ALDOA: variants seen among roughly 807,000 people sequenced by gnomAD.
ALDOA encodes aldolase, fructose-bisphosphate A, also known as fructose-bisphosphate aldolase A.
In ALDOA, 26 loss-of-function variants were observed where a neutral mutation model predicts 43.9. The ratio of observed to expected loss-of-function variants is 0.59; its 90% CI spans 0.43 to 0.82. ALDOA has a LOEUF of 0.82. Among genes scored for constraint, ALDOA ranks in the 40% least tolerant of loss-of-function variants. The pLI is 0.00. For synonymous variants in ALDOA, 258 were observed against 222.6 expected, an observed-to-expected ratio of 1.16 and a Z score of -1.42; for missense variants, 498 against 549.5, an observed-to-expected ratio of 0.91 and a Z score of 0.94.
At position 30,070,366 on chromosome 16, in the gene ALDOA, C is replaced by A. The variant is rs1045017740; in HGVS notation, c.*154C>A. 2 of 701,726 alleles carry A rather than the reference C, an allele frequency of 2.9e-6. No individual in the cohort carries two copies. The highest frequency in any genetic ancestry group is 5.1e-4 in the Middle Eastern group (2 of 3,932). 43.5% of individuals were successfully genotyped at this position (701,726 alleles called of 1,614,324 possible). On this transcript the variant is annotated 3_prime_UTR_variant, in exon 10 of 10. Coordinates refer to ENST00000642816, the MANE Select transcript of ALDOA (RefSeq NM_001243177.4). ...GTGGTGTCGTCTGTGAATGCTAAGTCCATCACCCTTTCCGGCACACTGCCA... is the reference window on the plus strand; with the variant it reads ...GTGGTGTCGTCTGTGAATGCTAAGTACATCACCCTTTCCGGCACACTGCCA...
chr16:30,067,088 G>A (rs1298243360), intron 2 of ALDOA, 50 bp downstream of exon 2: 2 of 1,570,106 alleles, frequency 1.3e-6, no homozygotes, highest in Admixed American at 3.8e-5. Context: ...AGAGAGCTGG[G>A]GACCAGAAGT....
chr16:30,068,062 A>T (rs1185318116), intron 4 of ALDOA: 73 of 176,884 alleles, frequency 4.1e-4, no homozygotes, highest in African/African-American at 1.9e-3. Context: ...TTTTAAGTAA[A>T]TTTTTTTTTT....
chr16:30,069,487 G>A lies in ALDOA; in HGVS notation c.787-12G>A, dbSNP rs930102805. ...CCACCCCACTACCCACCGTGCGCCT[G>A]CTCTGCTCCAGGTGCTGGCTGCTGT... On this transcript the variant is annotated splice_polypyrimidine_tract_variant and intron_variant, in intron 7 of 9. Transcript: ENST00000642816. 1 of 1,614,080 alleles carries A rather than the reference G, an allele frequency of 6.2e-7. No individual in the cohort carries two copies. Among genetic ancestry groups the A allele is most frequent in the African/African-American group, 1.3e-5 (1 of 75,032 alleles).
intron 1 of ALDOA, 24 bp from the exon 2 acceptor site, chr16:30,066,861 A>G: frequency 1.3e-6 from 2 of 1,544,080 alleles, no homozygotes; most frequent in Admixed American, 2.0e-5. Context: ...ATTCTAAAAT[A>G]CTCCGGTTCG....
At chr16:30,067,823 C>T (rs1038214389) in intron 4 of ALDOA, 162 bp downstream of exon 4, 11 of 787,206 alleles carry the variant, frequency 1.4e-5, no homozygotes, top group Non-Finnish European at 1.7e-5. Flanking sequence ...CCTCACAATT[C>T]TGAGAGAACA....
In ALDOA at chr16:30,067,577, C is replaced by T; in HGVS notation, c.402C>T (p.Phe134=). ...CCTGCATTGGGGGTGTCATCCTCTTCCATGAGACACTCTACCAGAAGGCGG... is the reference window on the plus strand; with the variant it reads ...CCTGCATTGGGGGTGTCATCCTCTTTCATGAGACACTCTACCAGAAGGCGG... ...VNPCIGGVIL[F]HETLYQKADD... Residue 134 remains phenylalanine, a synonymous_variant, in exon 4 of 10, where the codon TTC becomes TTT. Transcript: ENST00000642816. 1 of 1,614,054 alleles carries T rather than the reference C, an allele frequency of 6.2e-7. No homozygotes were observed. The highest frequency in any genetic ancestry group is 1.3e-5 in the African/African-American group (1 of 75,018).
chr16:30,067,020 CCA>C lies in ALDOA; in HGVS notation c.124_125del (p.Gln42AspfsTer30), dbSNP rs1471867574. On this transcript the variant is annotated frameshift_variant, in exon 2 of 10. Coordinates refer to ENST00000642816, the MANE Select transcript of ALDOA (RefSeq NM_001243177.4). LOFTEE classifies it high-confidence loss of function. Reference sequence around the variant, plus strand: ...ACCCTCAGCTGGGCAACACCCAGCACCAGACAGAGTTAGGAAAGGTACAGGGG... The same window carrying C: ...ACCCTCAGCTGGGCAACACCCAGCACGACAGAGTTAGGAAAGGTACAGGGG... ...LHPQLGNTQH[Q>X]TELGKELATT... 3.8e-6 allele frequency: 6 copies of C among 1,574,810 alleles called. No individual in the cohort carries two copies. The highest frequency in any genetic ancestry group is 1.9e-5 in the Admixed American group (1 of 53,916).
chr16:30,067,251 C>T lies in ALDOA; in HGVS notation c.159C>T (p.Ser53=). 1 of 1,612,290 alleles carries T rather than the reference C, an allele frequency of 6.2e-7. No homozygotes were observed. Among genetic ancestry groups the T allele is most frequent in the South Asian group, 1.1e-5 (1 of 90,996 alleles). ...GTATCCAGGAACTTGCTACTACCAG[C>T]ACCATGCCCTACCAATATCCAGCAC... ...TELGKELATT[S]TMPYQYPALT... The change falls in exon 3 of 10, where the codon AGC becomes AGT. Residue 53 remains serine (S), a synonymous_variant. Coordinates refer to ENST00000642816, the MANE Select transcript of ALDOA (RefSeq NM_001243177.4).
At position 30,065,779 on chromosome 16, in the gene ALDOA, C is replaced by T. The variant is rs2072077063; in HGVS notation, c.-162C>T. The T allele has an allele frequency of 6.5e-6, 1 of 152,942 alleles. No individual in the cohort carries two copies. Among genetic ancestry groups the T allele is most frequent in the East Asian group, 1.9e-4 (1 of 5,172 alleles). 9.5% of individuals were successfully genotyped at this position (152,942 alleles called of 1,614,324 possible). A position where few individuals can be genotyped will look rare whatever the true frequency, so the allele number is the denominator to read the frequency against. ...CCGCCTGCCCGCCTCCTGCGCCGCC[C>T]CTTCCGAGGCTAAATCGGCTGCGTT... On this transcript the variant is annotated 5_prime_UTR_variant, in exon 1 of 10. Coordinates refer to ENST00000642816, the MANE Select transcript of ALDOA (RefSeq NM_001243177.4).
In ALDOA at chr16:30,070,290, G is replaced by T. The variant is rs955267526; in HGVS notation, c.*78G>T. 38 of 1,436,628 alleles carry T rather than the reference G, an allele frequency of 2.6e-5. No homozygotes were observed. The highest frequency in any genetic ancestry group is 3.6e-5 in the Non-Finnish European group (37 of 1,021,032). The allele number at this position is 1,436,628 out of a possible 1,614,324, so 89.0% of individuals were successfully genotyped here. On this transcript the variant is annotated 3_prime_UTR_variant, in exon 10 of 10. Transcript: ENST00000642816. Reference sequence around the variant, plus strand: ...TCTTGAAGAGGAGGCCGCCTCCTCGGGGCTCCAGGCTGGCTTGCCCGCGCT... The same window carrying T: ...TCTTGAAGAGGAGGCCGCCTCCTCGTGGCTCCAGGCTGGCTTGCCCGCGCT...
At position 30,070,291 on chromosome 16, in the gene ALDOA, G is replaced by A; in HGVS notation, c.*79G>A. On this transcript the variant is annotated 3_prime_UTR_variant, in exon 10 of 10. Transcript: ENST00000642816. ...CTTGAAGAGGAGGCCGCCTCCTCGGGGCTCCAGGCTGGCTTGCCCGCGCTC... is the reference window on the plus strand; with the variant it reads ...CTTGAAGAGGAGGCCGCCTCCTCGGAGCTCCAGGCTGGCTTGCCCGCGCTC... The A allele has an allele frequency of 7.0e-7, 1 of 1,425,118 alleles. No individual in the cohort carries two copies. Among genetic ancestry groups the A allele is most frequent in the African/African-American group, 1.4e-5 (1 of 71,280 alleles). The allele number at this position is 1,425,118 out of a possible 1,614,324, so 88.3% of individuals were successfully genotyped here.
At chr16:30,067,734 G>A (rs956399129) in intron 4 of ALDOA, 73 bp downstream of exon 4, 1 of 1,565,062 alleles carries the variant, frequency 6.4e-7, no homozygotes, top group African/African-American at 1.4e-5. Flanking sequence ...GTGAGGCAGG[G>A]AATGAATGCT....
intron 8 of ALDOA, 69 bp from the exon 9 acceptor site, chr16:30,069,761 T>G: frequency 6.2e-7 from 1 of 1,612,052 alleles, no homozygotes; most frequent in Non-Finnish European, 8.5e-7. Flanking sequence ...CCATGGCAAC[T>G]TCCACCAGCT....
intron 1 of ALDOA, 43 bp from the exon 2 acceptor site, chr16:30,066,842 G>C (rs773804562): frequency 8.5e-6 from 13 of 1,528,410 alleles, no homozygotes; most frequent in Non-Finnish European, 1.1e-5. Flanking sequence ...CTTGATTCAC[G>C]ATCTTTACAT....
Position 30,067,551 on chromosome 16 carries a change from C to T in ALDOA, c.376C>T (p.Pro126Ser). The change falls in exon 4 of 10, where the codon CCC becomes TCC. Residue 126 changes from proline (P) to serine (S), a missense_variant. By Grantham distance (74) the Pro-to-Ser change is moderately conservative (BLOSUM62 -1). Coordinates refer to ENST00000642816, the MANE Select transcript of ALDOA (RefSeq NM_001243177.4). ...LLLTADDRVN[P>S]CIGGVILFHE... Reference sequence around the variant, plus strand: ...GCTGACAGCTGACGACCGCGTGAACCCCTGCATTGGGGGTGTCATCCTCTT... The same window carrying T: ...GCTGACAGCTGACGACCGCGTGAACTCCTGCATTGGGGGTGTCATCCTCTT... 1 of 1,613,974 alleles carries T rather than the reference C, an allele frequency of 6.2e-7. No individual in the cohort carries two copies. Among genetic ancestry groups the T allele is most frequent in the Non-Finnish European group, 8.5e-7 (1 of 1,180,034 alleles).
Position 30,070,280 on chromosome 16 carries a change from C to G in ALDOA, c.*68C>G. The G allele has an allele frequency of 3.4e-6, 5 of 1,489,948 alleles. No homozygotes were observed. Among genetic ancestry groups the G allele is most frequent in the Non-Finnish European group, 4.7e-6 (5 of 1,068,104 alleles). The allele number at this position is 1,489,948 out of a possible 1,614,324, so 92.3% of individuals were successfully genotyped here. A position where few individuals can be genotyped will look rare whatever the true frequency, so the allele number is the denominator to read the frequency against. ...CCCCTCCCACTCTTGAAGAGGAGGC[C>G]GCCTCCTCGGGGCTCCAGGCTGGCT... On this transcript the variant is annotated 3_prime_UTR_variant, in exon 10 of 10. Transcript: ENST00000642816.
At chr16:30,066,216 C>G (rs983783845) in intron 1 of ALDOA, 1 of 152,336 alleles carries the variant, frequency 6.6e-6, no homozygotes, top group African/African-American at 2.4e-5. Flanking sequence ...CCCCTTAGCC[C>G]TGGCGGGGAT....
rs146976414 is a variant in ALDOA at position 30,067,550 on chromosome 16, C to T, written c.375C>T (p.Asn125=). 2 of 1,613,940 alleles carry T rather than the reference C, an allele frequency of 1.2e-6. No individual in the cohort carries two copies. The highest frequency in any genetic ancestry group is 1.3e-5 in the African/African-American group (1 of 74,996). The change falls in exon 4 of 10, where the codon AAC becomes AAT. Residue 125 remains asparagine (N), a synonymous_variant. Coordinates refer to ENST00000642816, the MANE Select transcript of ALDOA (RefSeq NM_001243177.4). ...QLLLTADDRV[N]PCIGGVILFH... ...TGCTGACAGCTGACGACCGCGTGAA[C>T]CCCTGCATTGGGGGTGTCATCCTCT... is the stretch of plus-strand genomic sequence containing the variant.
At position 30,069,588 on chromosome 16, in the gene ALDOA, T is replaced by G. The variant is rs757739728; in HGVS notation, c.876T>G (p.His292Gln). Residue 292 changes from histidine (H) to glutamine (Q), a missense_variant, in exon 8 of 10, where the codon CAT (histidine) becomes CAG (glutamine). His to Gln is a conservative substitution (Grantham distance 24, BLOSUM62 0). Transcript: ENST00000642816. ...LLKPNMVTPG[H>Q]ACTQKFSHEE... ...AGCCCAACATGGTCACCCCAGGCCA[T>G]GCTTGCACTCAGAAGTTTTCTCATG... The G allele has an allele frequency of 1.1e-5, 17 of 1,614,000 alleles. No individual in the cohort carries two copies. The Middle Eastern group carries it at 6.6e-4, about 62-fold the overall frequency.
Sources: allele counts gnomAD v4.1 joint callset, GRCh38; gene constraint gnomAD v4.1.1; transcripts MANE v1.5; gene names NCBI Gene and HGNC (gene_info 2026-07-23, HGNC 2026-07-21).